The following CD46 variants were observed in gnomAD, a reference collection of about 807,000 sequenced individuals.
CD46 encodes membrane cofactor protein.
Under a neutral mutation model 53.3 loss-of-function variants are expected in CD46, and 30 were observed. The ratio of observed to expected loss-of-function variants is 0.56; its 90% CI spans 0.42 to 0.76. The LOEUF (loss-of-function observed/expected upper bound fraction) is 0.76, where lower values mean the gene tolerates loss of function less well. CD46 is among the 30% of genes least tolerant of loss of function. The pLI, the probability that CD46 is intolerant of heterozygous loss-of-function variation, is 0.00. For missense variants in CD46, 409 were observed against 463.0 expected (o/e 0.88, Z 1.07); for synonymous variants, 142 against 152.0 (o/e 0.93, Z 0.48).
intron 12 of CD46, among the ~76,000 whole-genome samples, chr1:207,793,119 A>G (rs2102723985): frequency 6.6e-6 from 1 of 152,344 alleles, no homozygotes; most frequent in Middle Eastern, 3.4e-3. Context: ...TAGATGAGGC[A>G]TCACATACTT....
intron 8 of CD46, among the ~76,000 whole-genome samples, chr1:207,782,292 T>C (rs1658818678): frequency 1.3e-5 from 2 of 152,232 alleles, no homozygotes; most frequent in South Asian, 4.1e-4. Flanking sequence ...CTGAATTCAT[T>C]TATTAGTTCT....
At chr1:207,781,942 A>G (rs1029951316) in intron 8 of CD46, among the ~76,000 whole-genome samples, 51 of 142,740 alleles carry the variant, frequency 3.6e-4, no homozygotes, top group Admixed American at 2.8e-3. Context: ...TCTATTTCAG[A>G]AAAAAAAAAC....
At chr1:207,773,525 G>A (rs1265150696) in intron 8 of CD46, among the ~76,000 whole-genome samples, 1 of 151,760 alleles carries the variant, frequency 6.6e-6, no homozygotes, top group African/African-American at 2.4e-5. Flanking sequence ...TTCTCTTGTG[G>A]GCATTTAGTG....
rs1010668520 is a variant in CD46, at chr1:207,785,537, A to G, written c.1019-82A>G. 1.1e-5 allele frequency: 11 copies of G among 983,278 alleles called. No individual in the cohort carries two copies. The African/African-American group carries it at 1.4e-4, about 13-fold the overall frequency. 60.9% of individuals were successfully genotyped at this position (983,278 alleles called of 1,614,324 possible). A position where few individuals can be genotyped will look rare whatever the true frequency, so the allele number is the denominator to read the frequency against. ...ACATTTGACCACTGAAATGTAACCA[A>G]CATTTATTTCTTCTGCTAGATGTTG... On this transcript the variant is annotated intron_variant, in intron 10 of 12. Transcript: ENST00000367042.
At chr1:207,777,228 G>C (rs1201504230) in intron 8 of CD46, among the ~76,000 whole-genome samples, 2 of 152,084 alleles carry the variant, frequency 1.3e-5, no homozygotes, top group Non-Finnish European at 2.9e-5. Flanking sequence ...CATTACAAAA[G>C]TATATAGAGT....
At chr1:207,781,639 T>A (rs1328666000) in intron 8 of CD46, among the ~76,000 whole-genome samples, 1 of 152,188 alleles carries the variant, frequency 6.6e-6, no homozygotes, top group Non-Finnish European at 1.5e-5. Flanking sequence ...TTTTTGCATG[T>A]GGATATCCAG....
chr1:207,767,912 C>A, intron 7 of CD46, 89 bp downstream of exon 7: 4 of 1,088,776 alleles, frequency 3.7e-6, no homozygotes, highest in South Asian at 2.6e-5. Context: ...TGGTGATGTT[C>A]ACTTATTTTT....
At chr1:207,787,073 T>C (rs1659335463) in intron 11 of CD46, among the ~76,000 whole-genome samples, 1 of 152,160 alleles carries the variant, frequency 6.6e-6, no homozygotes, top group Non-Finnish European at 1.5e-5. Context: ...TTTTCTGTTG[T>C]TGTTTTTTGC....
At chr1:207,779,728 T>C (rs1201598893) in intron 8 of CD46, among the ~76,000 whole-genome samples, 3 of 152,094 alleles carry the variant, frequency 2.0e-5, no homozygotes, top group African/African-American at 7.2e-5. Context: ...AGATATATGG[T>C]TCCACCTCGC....
At chr1:207,783,584 A>C in intron 9 of CD46, 1 of 308,956 alleles carries the variant, frequency 3.2e-6, no homozygotes. Context: ...AAAGCAATCT[A>C]AGTTGGGTTT....
chr1:207,776,680 G>A (rs950739714), intron 8 of CD46, among the ~76,000 whole-genome samples: 10 of 151,694 alleles, frequency 6.6e-5, no homozygotes, highest in Admixed American at 1.3e-4. Flanking sequence ...CCAGGCTGGA[G>A]TGCAGTGGTG....
Position 207,757,132 on chromosome 1 carries a change from T to G in CD46, c.216T>G (p.Pro72=), listed in dbSNP as rs1327231777. The change falls in exon 2 of 13, where the codon CCT becomes CCG. Residue 72 remains proline, a synonymous_variant. Transcript: ENST00000367042. ...YKCKKGYFYI[P]PLATHTICDR... ...GTAAAAAAGGATACTTCTATATACC[T>G]CCTCTTGCCACCCATACTATTTGTG... 14 of 1,613,764 alleles carry G rather than the reference T, an allele frequency of 8.7e-6. No individual in the cohort carries two copies. The highest frequency in any genetic ancestry group is 1.3e-5 in the African/African-American group (1 of 74,920).
intron 2 of CD46, 89 bp from the exon 3 acceptor site, chr1:207,757,451 C>A: frequency 1.2e-6 from 1 of 854,694 alleles, no homozygotes. Flanking sequence ...TATATTCCCA[C>A]CCATTCAAAA....
At position 207,761,977 on chromosome 1, in the gene CD46, T is replaced by C. The variant is rs149915350; in HGVS notation, c.673+531T>C. Among the ~76,000 whole-genome samples, 12 of 152,302 alleles carry C rather than the reference T, an allele frequency of 7.9e-5. No homozygotes were observed. The East Asian group carries it at 2.3e-3, about 29-fold the overall frequency. Reference sequence around the variant, plus strand: ...ACTGAATAACAGTGATTTAAAAGTATATACTCCCCAAGTACACATGAAACA... The same window carrying C: ...ACTGAATAACAGTGATTTAAAAGTACATACTCCCCAAGTACACATGAAACA... On this transcript the variant is annotated intron_variant, in intron 5 of 12. Coordinates refer to ENST00000367042, the MANE Select transcript of CD46 (RefSeq NM_172351.3).
intron 7 of CD46, chr1:207,769,269 C>T (rs1271601906): frequency 6.6e-6 from 1 of 152,178 alleles, no homozygotes; most frequent in African/African-American, 2.4e-5. Flanking sequence ...AAACAAAAAC[C>T]TTCTTATAAT....
At chr1:207,765,196 A>G (rs1296462151) in intron 5 of CD46, among the ~76,000 whole-genome samples, 1 of 152,218 alleles carries the variant, frequency 6.6e-6, no homozygotes, top group Non-Finnish European at 1.5e-5. Context: ...GAGAAAAAAA[A>G]TCATGTGGTT....
intron 1 of CD46, among the ~76,000 whole-genome samples, chr1:207,756,214 G>T (rs1264121008): frequency 6.6e-6 from 1 of 152,166 alleles, no homozygotes; most frequent in Non-Finnish European, 1.5e-5. Flanking sequence ...GACACTACTG[G>T]ACTGCCAAGC....
intron 9 of CD46, 136 bp from the exon 10 acceptor site, chr1:207,784,935 T>A: frequency 1.4e-6 from 1 of 737,798 alleles, no homozygotes; most frequent in Non-Finnish European, 2.4e-6. Context: ...ACGTGGGGAT[T>A]ATGGGAATTG....
At chr1:207,793,461 T>A (rs1357929570) in intron 12 of CD46, 58 bp from the exon 13 acceptor site, 2 of 1,344,448 alleles carry the variant, frequency 1.5e-6, no homozygotes, top group African/African-American at 2.9e-5. Context: ...TTCTGGAATT[T>A]AATTTCTGTA....
Sources: gnomAD v4.1 joint callset for allele counts (sites outside exome capture counted in the v4.1 genomes callset) on GRCh38, gnomAD v4.1.1 for gene constraint, MANE v1.5 for transcripts, NCBI Gene and HGNC (gene_info 2026-07-23, HGNC 2026-07-21) for gene names.